Variants in NLK observed in about 807,000 individuals in gnomAD.
The protein encoded by NLK is serine/threonine-protein kinase NLK.
A neutral mutation model predicts 59.0 loss-of-function variants in NLK; 11 were observed. The ratio of observed to expected loss-of-function variants is 0.19; its 90% CI spans 0.12 to 0.31. NLK has a LOEUF of 0.31. Among genes scored for constraint, NLK ranks in the 10% least tolerant of loss-of-function variants. The pLI, the probability that NLK is intolerant of heterozygous loss-of-function variation, is 1.00. For missense variants in NLK, 410 were observed against 661.1 expected (o/e 0.62, Z 4.16); for synonymous variants, 235 against 235.9 (o/e 1.00, Z 0.03).
chr17:28,068,157 A>AAAT (rs1909897453), intron 1 of NLK, among the ~76,000 whole-genome samples: 1 of 151,948 alleles, frequency 6.6e-6, no homozygotes, highest in South Asian at 2.1e-4. Context: ...AAAAAAAAAA[A>AAAT]AATATGGATG....
chr17:28,151,333 C>T (rs1907472115), intron 3 of NLK, among the ~76,000 whole-genome samples: 1 of 152,070 alleles, frequency 6.6e-6, no homozygotes, highest in African/African-American at 2.4e-5. Context: ...ATTTTTGAAG[C>T]TGTATTGTTA....
chr17:28,148,667 A>G (rs145895058), intron 3 of NLK, among the ~76,000 whole-genome samples: 3 of 152,336 alleles, frequency 2.0e-5, no homozygotes, highest in Admixed American at 2.0e-4. Flanking sequence ...ACAAGTTGTT[A>G]TGAGGATTAA....
intron 1 of NLK, among the ~76,000 whole-genome samples, chr17:28,089,265 C>G (rs1278572989): frequency 6.6e-6 from 1 of 152,096 alleles, no homozygotes; most frequent in East Asian, 1.9e-4. Flanking sequence ...CATCTGTAGG[C>G]TTTTTGTCAC....
downstream of NLK, among the ~76,000 whole-genome samples, chr17:28,198,553 G>A (rs1909542819): frequency 6.6e-6 from 1 of 152,014 alleles, no homozygotes; most frequent in South Asian, 2.1e-4. Flanking sequence ...TCGAACTCCT[G>A]ACCTCAAATG....
intron 6 of NLK, among the ~76,000 whole-genome samples, chr17:28,170,428 A>G (rs554388813): frequency 6.6e-6 from 1 of 151,866 alleles, no homozygotes; most frequent in South Asian, 2.1e-4. Flanking sequence ...TTTACCTAAT[A>G]TGTTAGAAAC....
chr17:28,117,016 C>T (rs939758510), intron 1 of NLK, among the ~76,000 whole-genome samples: 1 of 152,156 alleles, frequency 6.6e-6, no homozygotes, highest in African/African-American at 2.4e-5. Flanking sequence ...ATTCATAGGT[C>T]TGTTTCTAAG....
chr17:28,063,629 G>A (rs1909738509), intron 1 of NLK, among the ~76,000 whole-genome samples: 1 of 152,104 alleles, frequency 6.6e-6, no homozygotes, highest in Admixed American at 6.5e-5. Context: ...CAAAGATACT[G>A]CTTATATAGT....
chr17:28,088,506 A>G (rs1904363969), intron 1 of NLK, among the ~76,000 whole-genome samples: 1 of 152,192 alleles, frequency 6.6e-6, no homozygotes, highest in Non-Finnish European at 1.5e-5. Flanking sequence ...TTCATTTTCA[A>G]AATAATGAAT....
chr17:28,149,295 C>T (rs757028594), intron 3 of NLK, among the ~76,000 whole-genome samples: 13 of 152,106 alleles, frequency 8.5e-5, no homozygotes, highest in South Asian at 2.1e-4. Context: ...AACTTCTGGC[C>T]GTAAGCAATC....
At chr17:28,179,255 CT>C (rs1416706946) in intron 7 of NLK, among the ~76,000 whole-genome samples, 86 of 150,432 alleles carry the variant, frequency 5.7e-4, no homozygotes, top group Non-Finnish European at 5.9e-5. Context: ...TTTTTTTTTT[CT>C]TTTGAGACAG....
intron 1 of NLK, among the ~76,000 whole-genome samples, chr17:28,080,135 G>T (rs1910298725): frequency 6.6e-6 from 1 of 152,144 alleles, no homozygotes; most frequent in Admixed American, 6.5e-5. Flanking sequence ...GTTTGTGTGT[G>T]TGTATGTGTC....
At chr17:28,139,129 G>A (rs1191135914) in intron 3 of NLK, among the ~76,000 whole-genome samples, 2 of 152,116 alleles carry the variant, frequency 1.3e-5, no homozygotes, top group Non-Finnish European at 2.9e-5. Flanking sequence ...GGTGGCACGT[G>A]CCAGTAATCC....
chr17:28,170,569 G>T (rs182322260), intron 6 of NLK, among the ~76,000 whole-genome samples: 137 of 152,204 alleles, frequency 9.0e-4, no homozygotes, highest in African/African-American at 3.2e-3. Flanking sequence ...ATCTAATGTT[G>T]GGTACTTTTG....
At chr17:28,193,250 G>A (rs530108657) in intron 10 of NLK, among the ~76,000 whole-genome samples, 7 of 152,264 alleles carry the variant, frequency 4.6e-5, no homozygotes, top group Admixed American at 3.3e-4. Context: ...AAACAAGAAA[G>A]GAATTAAGAA....
At chr17:28,142,730 A>G (rs903996221) in intron 3 of NLK, among the ~76,000 whole-genome samples, 2 of 152,184 alleles carry the variant, frequency 1.3e-5, no homozygotes, top group Non-Finnish European at 2.9e-5. Flanking sequence ...GGAAGAAAAA[A>G]AAAACGAGCA....
At chr17:28,090,459 T>C (rs1904446041) in intron 1 of NLK, among the ~76,000 whole-genome samples, 1 of 152,224 alleles carries the variant, frequency 6.6e-6, no homozygotes, top group South Asian at 2.1e-4. Context: ...CATCTGTTAG[T>C]CATTTTACTT....
chr17:28,128,774 C>A (rs1329546764), intron 2 of NLK, among the ~76,000 whole-genome samples: 1 of 152,196 alleles, frequency 6.6e-6, no homozygotes, highest in East Asian at 1.9e-4. Flanking sequence ...TATACACCTA[C>A]CCAATGACCC....
At chr17:28,063,621 A>G (rs1419277268) in intron 1 of NLK, among the ~76,000 whole-genome samples, 5 of 152,160 alleles carry the variant, frequency 3.3e-5, no homozygotes, top group Non-Finnish European at 7.4e-5. Context: ...CTGTTCTCCA[A>G]AGATACTGCT....
chr17:28,135,988 A>C (rs1175252793), intron 3 of NLK, among the ~76,000 whole-genome samples: 4 of 152,184 alleles, frequency 2.6e-5, no homozygotes, highest in Non-Finnish European at 4.4e-5. Flanking sequence ...TATGGTTTAA[A>C]ACCATGAGTG....
Sources: gnomAD v4.1 joint callset for allele counts (sites outside exome capture counted in the v4.1 genomes callset) on GRCh38, gnomAD v4.1.1 for gene constraint, MANE v1.5 for transcripts, NCBI Gene and HGNC (gene_info 2026-07-23, HGNC 2026-07-21) for gene names.